Variants in NBEA observed in about 807,000 individuals in gnomAD.
NBEA encodes neurobeachin, also known as lysosomal-trafficking regulator 2.
A neutral mutation model predicts 343.4 loss-of-function variants in NBEA; 44 were observed. That is an observed-to-expected ratio of 0.13 (90% CI 0.10 to 0.16). The LOEUF (loss-of-function observed/expected upper bound fraction) is 0.16. Ranked by LOEUF, NBEA falls within the 10% of genes least tolerant of loss-of-function variation. The pLI is 1.00. For missense variants in NBEA, 2,555 were observed against 3,631.3 expected, an observed-to-expected ratio of 0.70 and a Z score of 7.62; for synonymous variants, 1,175 against 1,238.7, an observed-to-expected ratio of 0.95 and a Z score of 1.08.
intron 49 of NBEA, among the ~76,000 whole-genome samples, chr13:35,638,572 T>C (rs1053723303): frequency 1.3e-5 from 2 of 152,190 alleles, no homozygotes; most frequent in East Asian, 1.9e-4. Flanking sequence ...CACAGGTCTA[T>C]GGAGGCGCAT....
chr13:35,054,249 T>C (rs577274871), intron 6 of NBEA, among the ~76,000 whole-genome samples: 1 of 152,288 alleles, frequency 6.6e-6, no homozygotes, highest in African/African-American at 2.4e-5. Context: ...TGATTGAATA[T>C]TTTCAAATTC....
chr13:35,475,493 G>A (rs1489641376), intron 41 of NBEA: 1 of 1,612,144 alleles, frequency 6.2e-7, no homozygotes, highest in Non-Finnish European at 8.5e-7. Flanking sequence ...GCCAAGGAGT[G>A]GCACTCCTTG....
chr13:35,522,011 T>C (rs1159246026), intron 41 of NBEA, among the ~76,000 whole-genome samples: 2 of 152,196 alleles, frequency 1.3e-5, no homozygotes, highest in East Asian at 3.9e-4. Context: ...GAGCAGGACA[T>C]TCCATACAGA....
intron 38 of NBEA, among the ~76,000 whole-genome samples, chr13:35,362,957 G>A (rs2040896047): frequency 6.6e-6 from 1 of 150,908 alleles, no homozygotes; most frequent in Non-Finnish European, 1.5e-5. Context: ...AAAATTATAT[G>A]CTTTTTCAGC....
At chr13:35,289,619 G>A (rs578106919) in intron 34 of NBEA, among the ~76,000 whole-genome samples, 46 of 151,878 alleles carry the variant, frequency 3.0e-4, no homozygotes, top group African/African-American at 5.8e-4. Flanking sequence ...GGAAATATAC[G>A]TTCTTAACCT....
At position 35,159,243 on chromosome 13, in the gene NBEA, T is replaced by C; in HGVS notation, c.3072T>C (p.Thr1024=). The change falls in exon 22 of 59, where the codon ACT becomes ACC. Residue 1024 remains threonine (T), a synonymous_variant. Coordinates refer to ENST00000379939, the MANE Select transcript of NBEA (RefSeq NM_001385012.1). ...SETDYPVSTD[T]RDLLMSTKVS... Reference sequence around the variant, plus strand: ...CCGATTACCCTGTCAGCACAGATACTCGAGACTTACTCATGTCAACAAAAG... The same window carrying C: ...CCGATTACCCTGTCAGCACAGATACCCGAGACTTACTCATGTCAACAAAAG... 1 of 1,613,544 alleles carries C rather than the reference T, an allele frequency of 6.2e-7. No individual in the cohort carries two copies. Among genetic ancestry groups the C allele is most frequent in the Non-Finnish European group, 8.5e-7 (1 of 1,179,668 alleles).
chr13:34,982,335 G>A (rs993175566), intron 1 of NBEA, among the ~76,000 whole-genome samples: 5 of 151,506 alleles, frequency 3.3e-5, no homozygotes, highest in African/African-American at 1.2e-4. Flanking sequence ...TCTCTCTGTT[G>A]CCCAGGCTGG....
chr13:35,109,482 G>T (rs376713014), intron 12 of NBEA, 40 bp downstream of exon 12: 1 of 1,504,532 alleles, frequency 6.6e-7, no homozygotes, highest in South Asian at 1.3e-5. Context: ...TTAGTGTAAT[G>T]TTATACATTA....
At chr13:35,105,701 A>C (rs1405739950) in intron 11 of NBEA, among the ~76,000 whole-genome samples, 2 of 151,590 alleles carry the variant, frequency 1.3e-5, no homozygotes, top group Non-Finnish European at 2.9e-5. Context: ...CCTCCCCTCC[A>C]CTCCCTACCA....
intron 1 of NBEA, among the ~76,000 whole-genome samples, chr13:34,955,506 C>T (rs958083646): frequency 6.6e-6 from 1 of 151,886 alleles, no homozygotes; most frequent in Non-Finnish European, 1.5e-5. Context: ...CATGGGTAGA[C>T]GTCTTGTGAA....
intron 38 of NBEA, among the ~76,000 whole-genome samples, chr13:35,425,619 T>G (rs2044612632): frequency 6.6e-6 from 1 of 152,220 alleles, no homozygotes. Context: ...AGAATGTATA[T>G]TCCGTTGATT....
At chr13:35,547,704 A>G (rs1231240101) in intron 41 of NBEA, among the ~76,000 whole-genome samples, 1 of 152,134 alleles carries the variant, frequency 6.6e-6, no homozygotes, top group East Asian at 1.9e-4. Flanking sequence ...CCTGGCCAAC[A>G]TGGTGAAACC....
At chr13:35,009,676 T>C (rs996928485) in intron 1 of NBEA, among the ~76,000 whole-genome samples, 14 of 152,196 alleles carry the variant, frequency 9.2e-5, no homozygotes, top group African/African-American at 2.7e-4. Context: ...AGACATGATC[T>C]GCTTAGCACT....
chr13:35,000,090 A>C (rs1028982536), intron 1 of NBEA, among the ~76,000 whole-genome samples: 8 of 152,234 alleles, frequency 5.3e-5, no homozygotes, highest in Middle Eastern at 3.4e-3. Flanking sequence ...TGAATTTAGT[A>C]ATGTCCTATC....
intron 1 of NBEA, among the ~76,000 whole-genome samples, chr13:34,951,613 T>C (rs2059352306): frequency 6.6e-6 from 1 of 152,218 alleles, no homozygotes; most frequent in Non-Finnish European, 1.5e-5. Flanking sequence ...ATCTGTTGTC[T>C]TGAATCCTGC....
chr13:35,503,185 G>A (rs976855284), intron 41 of NBEA, among the ~76,000 whole-genome samples: 1 of 151,400 alleles, frequency 6.6e-6, no homozygotes, highest in African/African-American at 2.4e-5. Context: ...GTACTCATTG[G>A]TTTTTTCTAA....
At chr13:35,281,287 AC>A (rs746336485) in intron 34 of NBEA, among the ~76,000 whole-genome samples, 37 of 152,302 alleles carry the variant, frequency 2.4e-4, no homozygotes, top group Non-Finnish European at 1.5e-4. Flanking sequence ...AATGAATGCA[AC>A]TGTACTGATT....
intron 41 of NBEA, among the ~76,000 whole-genome samples, chr13:35,542,327 G>A (rs546263848): frequency 6.6e-6 from 1 of 152,018 alleles, no homozygotes; most frequent in East Asian, 1.9e-4. Flanking sequence ...ATTTTTGTTT[G>A]CCTCACAGTT....
At chr13:35,054,054 T>A (rs188251345) in intron 6 of NBEA, among the ~76,000 whole-genome samples, 36 of 152,254 alleles carry the variant, frequency 2.4e-4, no homozygotes, top group Admixed American at 1.9e-3. Context: ...GTACTTTTTT[T>A]AATAGTAAGT....
Sources: allele counts gnomAD v4.1 joint callset (sites outside exome capture counted in the v4.1 genomes callset), GRCh38; gene constraint gnomAD v4.1.1; transcripts MANE v1.5; gene names NCBI Gene and HGNC (gene_info 2026-07-23, HGNC 2026-07-21).